TROAP: variants seen among roughly 807,000 people sequenced by gnomAD.
TROAP encodes the protein tastin.
A neutral mutation model predicts 83.4 loss-of-function variants in TROAP; 62 were observed. That is an observed-to-expected ratio of 0.74 (90% CI 0.61 to 0.92). The LOEUF is 0.92. Among genes scored for constraint, TROAP ranks in the 40% least tolerant of loss-of-function variants. TROAP has a pLI of 0.00. For missense variants in TROAP, 876 were observed against 985.1 expected (o/e 0.89, Z 1.48); for synonymous variants, 352 against 386.4 (o/e 0.91, Z 1.04).
chr12:49,327,917 G>A (rs1943524505), intron 8 of TROAP, among the ~76,000 whole-genome samples: 1 of 152,088 alleles, frequency 6.6e-6, no homozygotes, highest in Admixed American at 6.6e-5. Context: ...ACCAGGGGTT[G>A]GAGGAGGAGT....
Position 49,330,206 on chromosome 12 carries a change from G to A in TROAP, c.1361G>A (p.Cys454Tyr), listed in dbSNP as rs1943557579. 2 of 1,614,032 alleles carry A rather than the reference G, an allele frequency of 1.2e-6. No homozygotes were observed. Among genetic ancestry groups the A allele is most frequent in the Admixed American group, 1.7e-5 (1 of 60,000 alleles). Residue 454 changes from cysteine to tyrosine, a missense_variant, in exon 13 of 15, where the codon TGT becomes TAT. By Grantham distance (194) the Cys-to-Tyr change is radical. Coordinates refer to ENST00000257909, the MANE Select transcript of TROAP (RefSeq NM_005480.4). ...QEVEGLVGGQ[C>Y]VPLNGGSSLD... ...GTAGAGGGGCTGGTAGGGGGCCAGT[G>A]TGTCCCTCTTAATGGAGGCTCTTCT...
At chr12:49,324,961 A>T (rs1237934558) in intron 3 of TROAP, among the ~76,000 whole-genome samples, 2 of 138,668 alleles carry the variant, frequency 1.4e-5, no homozygotes, top group African/African-American at 5.5e-5. Flanking sequence ...ACTAAGCTGG[A>T]GTGCAGTGGC....
In TROAP at chr12:49,326,688, C is replaced by T. The variant is rs373717292; in HGVS notation, c.737C>T (p.Ser246Leu). ...ATCAGGACTTCAGTGAGCCAGGCCT[C>T]AGGATTGCTCCTGGAGACCCCAGTC... Reference protein sequence around the residue: ...GSSRTSVSQASGLLLETPVQP... With the variant: ...GSSRTSVSQALGLLLETPVQP... Residue 246 changes from serine to leucine, a missense_variant, in exon 7 of 15, where the codon TCA (serine) becomes TTA (leucine). By Grantham distance (145) the Ser-to-Leu change is moderately radical. Coordinates refer to ENST00000257909, the MANE Select transcript of TROAP (RefSeq NM_005480.4). 2.8e-5 allele frequency: 43 copies of T among 1,560,334 alleles called. No homozygotes were observed. The African/African-American group carries it at 4.9e-4, about 18-fold the overall frequency.
At position 49,331,562 on chromosome 12, in the gene TROAP, T is replaced by C. The variant is rs376103573; in HGVS notation, c.2293-11T>C. The C allele has an allele frequency of 2.5e-6, 4 of 1,614,022 alleles. No individual in the cohort carries two copies. The African/African-American group carries it at 5.3e-5, about 22-fold the overall frequency. On this transcript the variant is annotated splice_polypyrimidine_tract_variant and intron_variant, in intron 14 of 14. Transcript: ENST00000257909. ...TTGGCTGAGCTGTGACAAGGTCTTCTCTGTCTCCAGTGTTTCATTCCAGTT... is the reference window on the plus strand; with the variant it reads ...TTGGCTGAGCTGTGACAAGGTCTTCCCTGTCTCCAGTGTTTCATTCCAGTT...
Position 49,330,264 on chromosome 12 carries a change from T to G in TROAP, c.1419T>G (p.Thr473=). 1 of 1,614,058 alleles carries G rather than the reference T, an allele frequency of 6.2e-7. No individual in the cohort carries two copies. The highest frequency in any genetic ancestry group is 1.3e-5 in the African/African-American group (1 of 75,034). The change falls in exon 13 of 15, where the codon ACT becomes ACG. Residue 473 remains threonine, a synonymous_variant. Coordinates refer to ENST00000257909, the MANE Select transcript of TROAP (RefSeq NM_005480.4). ...TGGTTGAACTTCAGCCCCTGCTGAC[T>G]GAGATTTCTAGAACTCTGAATGCCA... The part of the protein sequence containing the change: ...LDMVELQPLL[T]EISRTLNATE...
chr12:49,326,085 T>C lies in TROAP; in HGVS notation c.643T>C (p.Ser215Pro). 6.2e-7 allele frequency: 1 copy of C among 1,613,778 alleles called. No homozygotes were observed. The highest frequency in any genetic ancestry group is 8.5e-7 in the Non-Finnish European group (1 of 1,180,008). ...PQRLQALISP[S>P]GPSFHPSTRP... ...TGCTCCTGTGGATCAGATTTCACCT[T>C]CAGGACCTTCCTTTCACCCTTCCAC... is the stretch of plus-strand genomic sequence containing the variant. The change falls in exon 6 of 15, where the codon TCA (serine) becomes CCA (proline). Residue 215 changes from serine (S) to proline (P), a missense_variant. Ser to Pro is a moderately conservative substitution (Grantham distance 74). Transcript: ENST00000257909.
chr12:49,329,958 C>T lies in TROAP; in HGVS notation c.1266C>T (p.Asn422=). The change falls in exon 12 of 15, where the codon AAC becomes AAT. Residue 422 remains asparagine, a synonymous_variant. Transcript: ENST00000257909. This position sits in a 1 kb window ranked among gnomAD's most constrained non-coding sequence, Gnocchi z 4.5. ...CCACTCCTTCTGGACCCCACTCTAA[C>T]AGAACCCCCAGCCTCCAGGAGGTGA... ...PVATPSGPHS[N]RTPSLQEVKI... The T allele has an allele frequency of 6.2e-7, 1 of 1,614,194 alleles. No individual in the cohort carries two copies. The highest frequency in any genetic ancestry group is 8.5e-7 in the Non-Finnish European group (1 of 1,180,028).
intron 3 of TROAP, 119 bp downstream of exon 3, chr12:49,324,156 C>T: frequency 1.2e-6 from 2 of 1,614,090 alleles, no homozygotes; most frequent in Non-Finnish European, 1.7e-6. Flanking sequence ...CTGTGATAGT[C>T]CTGGTCCCAG....
intron 3 of TROAP, chr12:49,324,291 G>C: frequency 1.5e-6 from 2 of 1,356,482 alleles, no homozygotes; most frequent in Non-Finnish European, 2.1e-6. Flanking sequence ...AGGATCACTG[G>C]AGGCCAGGAG....
intron 13 of TROAP, 102 bp downstream of exon 13, chr12:49,331,045 C>T: frequency 6.5e-7 from 1 of 1,550,066 alleles, no homozygotes; most frequent in South Asian, 1.1e-5. Context: ...CATGCTTCCA[C>T]ACCTTCCACC....
chr12:49,324,382 T>C, intron 3 of TROAP: 1 of 505,602 alleles, frequency 2.0e-6, no homozygotes, highest in Non-Finnish European at 3.4e-6. Context: ...ATATCACTTC[T>C]TCTGAAGCCT....
At chr12:49,326,771 G>A (rs1943507300) in intron 7 of TROAP, 51 bp downstream of exon 7, 2 of 1,545,316 alleles carry the variant, frequency 1.3e-6, no homozygotes, top group Non-Finnish European at 1.8e-6. Context: ...GCTGCCTGAA[G>A]CAGGGAACAA....
At chr12:49,324,818 C>T (rs1294497668) in intron 3 of TROAP, among the ~76,000 whole-genome samples, 6 of 151,516 alleles carry the variant, frequency 4.0e-5, no homozygotes, top group East Asian at 1.9e-4. Flanking sequence ...GCAACATCCA[C>T]CTCCCAGGTT....
In TROAP at chr12:49,329,079, G is replaced by C. The variant is rs767765835; in HGVS notation, c.1020+24G>C. 1.2e-6 allele frequency: 2 copies of C among 1,613,230 alleles called. No homozygotes were observed. Among genetic ancestry groups the C allele is most frequent in the Admixed American group, 1.7e-5 (1 of 60,008 alleles). On this transcript the variant is annotated intron_variant, in intron 9 of 14. Coordinates refer to ENST00000257909, the MANE Select transcript of TROAP (RefSeq NM_005480.4). The surrounding 1 kb of genome is among the most constrained non-coding windows in gnomAD (Gnocchi z 4.5). ...TGGTTTGTGTCAACAACTGGGGGCT[G>C]GGCAGGGGCAGAACAGTCTGGCCGG...
rs754187519 is a variant in TROAP at position 49,331,266 on chromosome 12, G to A, written c.2151G>A (p.Ser717=). 7 of 1,614,056 alleles carry A rather than the reference G, an allele frequency of 4.3e-6. No homozygotes were observed. The highest frequency in any genetic ancestry group is 5.9e-6 in the Non-Finnish European group (7 of 1,180,046). ...RTLALRERLK[S]CLTAIHCFHE... Reference sequence around the variant, plus strand: ...TAGCCCTGAGGGAGCGCCTCAAATCGTGTTTAACCGCCATCCACTGCTTCC... The same window carrying A: ...TAGCCCTGAGGGAGCGCCTCAAATCATGTTTAACCGCCATCCACTGCTTCC... The change falls in exon 14 of 15, where the codon TCG becomes TCA. Residue 717 remains serine (S), a synonymous_variant. Coordinates refer to ENST00000257909, the MANE Select transcript of TROAP (RefSeq NM_005480.4).
intron 3 of TROAP, 122 bp from the exon 4 acceptor site, chr12:49,325,379 A>T (rs913646061): frequency 5.1e-5 from 57 of 1,116,176 alleles, no homozygotes; most frequent in African/African-American, 3.2e-4. Context: ...AAAAAAAAAA[A>T]AAAATAAGCC....
intron 8 of TROAP, among the ~76,000 whole-genome samples, chr12:49,328,623 G>T (rs1943534529): frequency 6.6e-6 from 1 of 152,188 alleles, no homozygotes; most frequent in Admixed American, 6.5e-5. Flanking sequence ...CCAGCACTTT[G>T]GGAGGCCGAG....
In TROAP at chr12:49,331,342, C is replaced by G. The variant is rs1943580037; in HGVS notation, c.2227C>G (p.Pro743Ala). ...ECAFYTSRAP[P>A]SGPTRVCTNP... ...TGCCTTTTACACCAGCCGAGCCCCT[C>G]CCTCAGGCCCCACCCGGGTCTGCAC... Residue 743 changes from proline to alanine, a missense_variant, in exon 14 of 15, where the codon CCC (proline) becomes GCC (alanine). By Grantham distance (27) the Pro-to-Ala change is conservative (BLOSUM62 -1). This residue lies in a region of TROAP where 184 missense variants were observed against 238.3 expected (regional missense o/e 0.77). Coordinates refer to ENST00000257909, the MANE Select transcript of TROAP (RefSeq NM_005480.4). 4 of 1,614,118 alleles carry G rather than the reference C, an allele frequency of 2.5e-6. No homozygotes were observed. Among genetic ancestry groups the G allele is most frequent in the African/African-American group, 1.3e-5 (1 of 74,940 alleles).
Position 49,330,570 on chromosome 12 carries a change from T to A in TROAP, c.1725T>A (p.Leu575=). 1 of 1,613,552 alleles carries A rather than the reference T, an allele frequency of 6.2e-7. No homozygotes were observed. Among genetic ancestry groups the A allele is most frequent in the Non-Finnish European group, 8.5e-7 (1 of 1,179,800 alleles). ...EIPESSRQEQ[L]EVPEPCPPAE... ...CGGAGTCCTCTCGCCAGGAACAGCT[T>A]GAGGTACCTGAGCCCTGCCCTCCAG... The change falls in exon 13 of 15, where the codon CTT becomes CTA. Residue 575 remains leucine (L), a synonymous_variant. Coordinates refer to ENST00000257909, the MANE Select transcript of TROAP (RefSeq NM_005480.4).
Sources: allele counts gnomAD v4.1 joint callset (sites outside exome capture counted in the v4.1 genomes callset), GRCh38; gene constraint gnomAD v4.1.1; regional missense constraint gnomAD v4.1.1; non-coding constraint Gnocchi (gnomAD v3.1); transcripts MANE v1.5; gene names NCBI Gene and HGNC (gene_info 2026-07-23, HGNC 2026-07-21).